Variants in SYNDIG1 observed in about 807,000 individuals in gnomAD.
The protein encoded by SYNDIG1 is synapse differentiation-inducing gene protein 1.
Under a neutral mutation model 19.4 loss-of-function variants are expected in SYNDIG1, and 9 were observed. The observed-to-expected ratio is 0.46, with a 90% confidence interval of 0.28 to 0.81. The LOEUF (loss-of-function observed/expected upper bound fraction) is 0.81. Ranked by LOEUF, SYNDIG1 falls within the 30% of genes least tolerant of loss-of-function variation. The pLI is 0.12. For synonymous variants in SYNDIG1, 141 were observed against 145.9 expected (o/e 0.97, Z 0.24); for missense variants, 311 against 343.3 (o/e 0.91, Z 0.74).
At chr20:24,628,538 C>T (rs889604630) in intron 3 of SYNDIG1, among the ~76,000 whole-genome samples, 1 of 152,208 alleles carries the variant, frequency 6.6e-6, no homozygotes, top group African/African-American at 2.4e-5. Flanking sequence ...GGACCCTGAG[C>T]AGAATTTCCA....
intron 3 of SYNDIG1, among the ~76,000 whole-genome samples, chr20:24,606,671 A>T (rs1364992842): frequency 6.6e-6 from 1 of 152,172 alleles, no homozygotes; most frequent in Non-Finnish European, 1.5e-5. Flanking sequence ...GGAAGTAGAG[A>T]TCCGGAGTTT....
intron 3 of SYNDIG1, among the ~76,000 whole-genome samples, chr20:24,630,521 A>T (rs2059223923): frequency 6.6e-6 from 1 of 152,262 alleles, no homozygotes. Context: ...ACAACCCAGG[A>T]GAGCAGAGAA....
At chr20:24,655,110 C>A (rs1385506577) in intron 3 of SYNDIG1, among the ~76,000 whole-genome samples, 1 of 152,124 alleles carries the variant, frequency 6.6e-6, no homozygotes, top group East Asian at 1.9e-4. Flanking sequence ...AAACAAATTT[C>A]CAAAGTGAGG....
chr20:24,648,881 C>T (rs1237639906), intron 3 of SYNDIG1, among the ~76,000 whole-genome samples: 4 of 152,204 alleles, frequency 2.6e-5, no homozygotes, highest in Non-Finnish European at 5.9e-5. Context: ...CAGCATGCTG[C>T]TTGAATTTCT....
At chr20:24,612,187 A>G (rs2147182505) in intron 3 of SYNDIG1, among the ~76,000 whole-genome samples, 1 of 152,336 alleles carries the variant, frequency 6.6e-6, no homozygotes, top group African/African-American at 2.4e-5. Flanking sequence ...AATTCTCATC[A>G]CCACTTAGGA....
intron 3 of SYNDIG1, among the ~76,000 whole-genome samples, chr20:24,653,126 TTA>T (rs780964948): frequency 6.6e-6 from 1 of 152,120 alleles, no homozygotes; most frequent in Non-Finnish European, 1.5e-5. Flanking sequence ...CATAAAATCT[TTA>T]TTTAAGTTAT....
intron 3 of SYNDIG1, among the ~76,000 whole-genome samples, chr20:24,664,175 G>A (rs1381445219): frequency 2.0e-5 from 3 of 152,088 alleles, no homozygotes; most frequent in East Asian, 1.9e-4. Context: ...TTCCCCACAC[G>A]ACACAGACTT....
At chr20:24,491,159 A>C (rs1394203799) in intron 1 of SYNDIG1, among the ~76,000 whole-genome samples, 1 of 152,252 alleles carries the variant, frequency 6.6e-6, no homozygotes, top group African/African-American at 2.4e-5. Flanking sequence ...CCACTGCCTC[A>C]GTCCTTAAGA....
chr20:24,618,421 G>C (rs1391842418), intron 3 of SYNDIG1, among the ~76,000 whole-genome samples: 1 of 152,058 alleles, frequency 6.6e-6, no homozygotes, highest in East Asian at 1.9e-4. Flanking sequence ...TACCATCTCT[G>C]GGAGGCAGAG....
In SYNDIG1 at chr20:24,543,014, C is replaced by G. The variant is rs78426029; in HGVS notation, c.-78-6C>G. On this transcript the variant is annotated splice_polypyrimidine_tract_variant and splice_region_variant and intron_variant, in intron 1 of 3. Coordinates refer to ENST00000376862, the MANE Select transcript of SYNDIG1 (RefSeq NM_024893.3). The stretch of plus-strand genomic sequence containing the variant: ...CTTGTCTCATCTCTGTTTTCTCCTC[C>G]TCCAGGAGAAATGGCTTCCCTGAGG... The G allele has an allele frequency of 2.2e-3, 3,400 of 1,542,202 alleles. 68 individuals are homozygous for G. The African/African-American group carries it at 0.039, about 18-fold the overall frequency.
At chr20:24,626,520 C>T (rs1353025582) in intron 3 of SYNDIG1, among the ~76,000 whole-genome samples, 3 of 151,840 alleles carry the variant, frequency 2.0e-5, no homozygotes, top group African/African-American at 2.4e-5. Flanking sequence ...GATGGAATGG[C>T]GGCCGGGAAG....
chr20:24,655,981 G>A (rs1236636258), intron 3 of SYNDIG1, among the ~76,000 whole-genome samples: 1 of 152,318 alleles, frequency 6.6e-6, no homozygotes, highest in East Asian at 1.9e-4. Flanking sequence ...AGACACCATC[G>A]TGCGTGTACT....
intron 1 of SYNDIG1, among the ~76,000 whole-genome samples, chr20:24,501,158 T>C (rs960953005): frequency 6.6e-6 from 1 of 152,248 alleles, no homozygotes; most frequent in Non-Finnish European, 1.5e-5. Context: ...CATATTTACA[T>C]ATTCCATCTA....
chr20:24,492,641 C>G (rs1475559051), intron 1 of SYNDIG1, among the ~76,000 whole-genome samples: 1 of 152,146 alleles, frequency 6.6e-6, no homozygotes, highest in Non-Finnish European at 1.5e-5. Context: ...GTCCCCACAA[C>G]CGCCCCCTCC....
chr20:24,543,600 G>A (rs778335640), intron 2 of SYNDIG1, 23 bp downstream of exon 2: 1 of 1,593,030 alleles, frequency 6.3e-7, no homozygotes. Flanking sequence ...GTTTGTCAGA[G>A]GCCCTCTAAG....
chr20:24,490,234 A>T (rs2056107702), intron 1 of SYNDIG1, among the ~76,000 whole-genome samples: 1 of 152,244 alleles, frequency 6.6e-6, no homozygotes, highest in African/African-American at 2.4e-5. Context: ...AGGAACACGC[A>T]GATCACAGTT....
chr20:24,517,675 T>C (rs1379412370), intron 1 of SYNDIG1, among the ~76,000 whole-genome samples: 1 of 145,604 alleles, frequency 6.9e-6, no homozygotes, highest in African/African-American at 2.5e-5. Context: ...CATATATATG[T>C]GTATATGTAT....
chr20:24,623,809 TA>T (rs1287369841), intron 3 of SYNDIG1, among the ~76,000 whole-genome samples: 1 of 152,208 alleles, frequency 6.6e-6, no homozygotes, highest in African/African-American at 2.4e-5. Flanking sequence ...TGGAATCATG[TA>T]AAATGTTCAG....
chr20:24,473,773 C>G lies in SYNDIG1; in HGVS notation c.-79+4020C>G, dbSNP rs1422483239. 2.0e-5 allele frequency among the ~76,000 whole-genome samples: 3 copies of G among 152,112 alleles called. No homozygotes were observed. The East Asian group carries it at 5.8e-4, about 29-fold the overall frequency. On this transcript the variant is annotated intron_variant, in intron 1 of 3. Coordinates refer to ENST00000376862, the MANE Select transcript of SYNDIG1 (RefSeq NM_024893.3). ...GAATGCCATGTGAATACAAATTTACCCAGAGAAACATTGAGACAATGAAGT... is the reference window on the plus strand; with the variant it reads ...GAATGCCATGTGAATACAAATTTACGCAGAGAAACATTGAGACAATGAAGT...
Sources: allele counts gnomAD v4.1 joint callset (sites outside exome capture counted in the v4.1 genomes callset), GRCh38; gene constraint gnomAD v4.1.1; transcripts MANE v1.5; gene names NCBI Gene and HGNC (gene_info 2026-07-23, HGNC 2026-07-21).